Variants in NRXN3 observed in about 807,000 individuals in gnomAD.
NRXN3 encodes neurexin 3.
Under a neutral mutation model 137.6 loss-of-function variants are expected in NRXN3, and 32 were observed. The observed-to-expected ratio is 0.23, with a 90% CI of 0.18 to 0.31. NRXN3 has a LOEUF of 0.31. NRXN3 is among the 10% of genes least tolerant of loss of function. The probability of loss-of-function intolerance (pLI) is 1.00; values close to 1 mark genes in which losing one functional copy is unlikely to be tolerated. For missense variants in NRXN3, 1,574 were observed against 2,062.5 expected (o/e 0.76, Z 4.59); for synonymous variants, 798 against 784.5 (o/e 1.02, Z -0.29).
chr14:78,828,052 C>T (rs1397245342), intron 10 of NRXN3, among the ~76,000 whole-genome samples: 1 of 152,124 alleles, frequency 6.6e-6, no homozygotes, highest in African/African-American at 2.4e-5. Context: ...GTTCATGTCG[C>T]AATTACCTGC....
chr14:79,546,047 T>G (rs2097316373), intron 16 of NRXN3, among the ~76,000 whole-genome samples: 1 of 152,168 alleles, frequency 6.6e-6, no homozygotes, highest in African/African-American at 2.4e-5. Context: ...AAGCTCTCTT[T>G]GCCTGCTGCC....
intron 15 of NRXN3, among the ~76,000 whole-genome samples, chr14:79,087,134 C>T (rs1216772328): frequency 6.6e-6 from 1 of 152,124 alleles, no homozygotes. Context: ...GGAACATGGG[C>T]CATACAAGGA....
intron 2 of NRXN3, among the ~76,000 whole-genome samples, chr14:78,254,250 T>G (rs551654683): frequency 6.6e-6 from 1 of 152,304 alleles, no homozygotes; most frequent in South Asian, 2.1e-4. Flanking sequence ...AGATTCATGG[T>G]TAGCCCTATC....
At chr14:79,082,321 TTCA>T (rs2047197408) in intron 15 of NRXN3, among the ~76,000 whole-genome samples, 1 of 152,040 alleles carries the variant, frequency 6.6e-6, no homozygotes, top group South Asian at 2.1e-4. Flanking sequence ...AGGCACTGGC[TTCA>T]TTCTTCTATT....
chr14:79,172,870 T>C (rs2061924646), intron 15 of NRXN3, among the ~76,000 whole-genome samples: 1 of 152,182 alleles, frequency 6.6e-6, no homozygotes, highest in South Asian at 2.1e-4. Context: ...GCATGAAAAG[T>C]GGGCAAATAG....
intron 19 of NRXN3, among the ~76,000 whole-genome samples, chr14:79,772,445 C>T (rs1237567018): frequency 1.3e-5 from 2 of 152,056 alleles, no homozygotes; most frequent in African/African-American, 4.8e-5. Flanking sequence ...ATCAATGGAA[C>T]AGAACAGAGC....
At chr14:79,206,103 G>A (rs938932065) in intron 15 of NRXN3, among the ~76,000 whole-genome samples, 1 of 152,044 alleles carries the variant, frequency 6.6e-6, no homozygotes. Flanking sequence ...TGCCCAAATG[G>A]AATGTGACTA....
intron 15 of NRXN3, among the ~76,000 whole-genome samples, chr14:79,452,776 C>G (rs1263164414): frequency 2.0e-5 from 3 of 152,108 alleles, no homozygotes; most frequent in Non-Finnish European, 4.4e-5. Flanking sequence ...TCACAAAACA[C>G]TAGCAAAAGT....
At chr14:78,193,157 G>A (rs2060901765) in intron 1 of NRXN3, among the ~76,000 whole-genome samples, 2 of 152,148 alleles carry the variant, frequency 1.3e-5, no homozygotes, top group African/African-American at 4.8e-5. Flanking sequence ...TAACTAGGGG[G>A]GTTTGGGGCT....
At position 79,264,142 on chromosome 14, in the gene NRXN3, C is replaced by T. The variant is rs572626282; in HGVS notation, c.3263-203079C>T. ...TTGCTCTGTTGCCCAGGCTAGAGTG[C>T]AGTGGTGACTCACATGGCTCACTGC... On this transcript the variant is annotated intron_variant, in intron 15 of 20. Coordinates refer to ENST00000335750, the MANE Select transcript of NRXN3 (RefSeq NM_001330195.2). 2.0e-5 allele frequency among the ~76,000 whole-genome samples: 3 copies of T among 152,162 alleles called. No individual in the cohort carries two copies. The East Asian group carries it at 5.8e-4, about 29-fold the overall frequency.
chr14:78,708,318 G>C (rs1056041585), intron 6 of NRXN3, among the ~76,000 whole-genome samples: 6 of 152,182 alleles, frequency 3.9e-5, no homozygotes, highest in African/African-American at 1.4e-4. Context: ...ATCTGGTTCA[G>C]TATTCTTTGT....
chr14:79,176,028 C>T (rs114076320), intron 15 of NRXN3, among the ~76,000 whole-genome samples: 3,685 of 152,178 alleles, frequency 0.024, 148 homozygotes, highest in African/African-American at 0.084. Context: ...AGACAAAAAC[C>T]AAACCAAACC....
rs574203107 is a variant in NRXN3, at chr14:79,346,011, A to C, written c.3263-121210A>C. Among the ~76,000 whole-genome samples the C allele has an allele frequency of 3.3e-4, 50 of 152,332 alleles. 1 individual carries two copies. Among genetic ancestry groups the C allele is most frequent in the Admixed American group, 2.0e-4 (3 of 15,294 alleles). ...TGCCTCTATCAACCTACATTAGGCC[A>C]CCATCGTTTCTCACCTAAACCACAA... On this transcript the variant is annotated intron_variant, in intron 15 of 20. Coordinates refer to ENST00000335750, the MANE Select transcript of NRXN3 (RefSeq NM_001330195.2).
intron 4 of NRXN3, among the ~76,000 whole-genome samples, chr14:78,589,953 G>A (rs541969597): frequency 5.3e-5 from 8 of 152,192 alleles, no homozygotes; most frequent in Non-Finnish European, 7.4e-5. Flanking sequence ...GTGAAACTCC[G>A]TTTGAAACAA....
chr14:78,580,840 G>T (rs907747978), intron 4 of NRXN3, among the ~76,000 whole-genome samples: 1 of 152,190 alleles, frequency 6.6e-6, no homozygotes, highest in Admixed American at 6.5e-5. Flanking sequence ...AAGGGCTTTT[G>T]TCATCCCTCC....
intron 15 of NRXN3, among the ~76,000 whole-genome samples, chr14:79,389,807 A>G (rs1263596068): frequency 6.6e-6 from 1 of 152,200 alleles, no homozygotes; most frequent in Non-Finnish European, 1.5e-5. Flanking sequence ...CTCTCTGATT[A>G]ATCAAAAACT....
intron 4 of NRXN3, among the ~76,000 whole-genome samples, chr14:78,636,879 A>G (rs965714875): frequency 1.3e-5 from 2 of 151,852 alleles, no homozygotes; most frequent in African/African-American, 4.8e-5. Context: ...TGTCTCCTGG[A>G]TCCCTATATT....
intron 4 of NRXN3, among the ~76,000 whole-genome samples, chr14:78,588,672 A>C (rs1213363312): frequency 6.6e-6 from 1 of 152,206 alleles, no homozygotes; most frequent in Non-Finnish European, 1.5e-5. Context: ...AATCCAAATA[A>C]ATAGTACAAG....
At chr14:79,534,761 C>T (rs2097197400) in intron 16 of NRXN3, among the ~76,000 whole-genome samples, 2 of 152,178 alleles carry the variant, frequency 1.3e-5, no homozygotes, top group South Asian at 4.1e-4. Context: ...GATATGAGTA[C>T]ATAATAGAAA....
Sources: allele counts gnomAD v4.1 joint callset (sites outside exome capture counted in the v4.1 genomes callset), GRCh38; gene constraint gnomAD v4.1.1; transcripts MANE v1.5; gene names NCBI Gene and HGNC (gene_info 2026-07-23, HGNC 2026-07-21).